Variants in IQGAP1 observed in about 807,000 individuals in gnomAD.
IQGAP1 encodes IQ motif containing GTPase activating protein 1, also known as ras GTPase-activating-like protein IQGAP1.
Under a neutral mutation model 215.6 loss-of-function variants are expected in IQGAP1, and 66 were observed. That is an observed-to-expected ratio of 0.31 (90% confidence interval 0.25 to 0.38). IQGAP1 has a LOEUF of 0.38. IQGAP1 is among the 10% of genes least tolerant of loss of function. The pLI is 1.00. For missense variants in IQGAP1, 1,712 were observed against 1,997.1 expected (o/e 0.86, Z 2.72); for synonymous variants, 772 against 728.7 (o/e 1.06, Z -0.96).
At chr15:90,468,357 A>C (rs979655941) in intron 18 of IQGAP1, among the ~76,000 whole-genome samples, 3 of 151,978 alleles carry the variant, frequency 2.0e-5, no homozygotes, top group African/African-American at 7.2e-5. Flanking sequence ...GAGCCAGCAC[A>C]CCCAGCCCAT....
chr15:90,419,878 G>C (rs1351301609), intron 2 of IQGAP1, among the ~76,000 whole-genome samples: 1 of 152,180 alleles, frequency 6.6e-6, no homozygotes, highest in Non-Finnish European at 1.5e-5. Context: ...TGTTCAGTTG[G>C]AGAAAGTTCA....
rs777042927 is a variant in IQGAP1, at chr15:90,473,932, C to T, written c.2470C>T (p.Arg824Cys). Reference protein sequence around the residue: ...SLARMHQARKRYRDRLQYFRD... With the variant: ...SLARMHQARKCYRDRLQYFRD... ...GGCAAGGATGCACCAAGCTCGAAAG[C>T]GCTATCGAGATCGCCTGCAGTACTT... Residue 824 changes from arginine to cysteine, a missense_variant, in exon 21 of 38, where the codon CGC becomes TGC. By Grantham distance (180) the Arg-to-Cys change is radical (BLOSUM62 -3). This residue lies in a region of IQGAP1 where 1,021 missense variants were observed against 1,074.2 expected (regional missense o/e 0.95). Transcript: ENST00000268182. The T allele has an allele frequency of 7.4e-6, 12 of 1,614,008 alleles. No homozygotes were observed. In the East Asian group the frequency reaches 1.6e-4, roughly 21 times the overall value.
At chr15:90,452,520 G>A (rs550147142) in intron 11 of IQGAP1, among the ~76,000 whole-genome samples, 15 of 152,318 alleles carry the variant, frequency 9.8e-5, no homozygotes, top group South Asian at 8.3e-4. Context: ...AATTGAACGG[G>A]AAGAAAATAG....
intron 4 of IQGAP1, 35 bp downstream of exon 4, chr15:90,429,701 C>A: frequency 7.1e-7 from 1 of 1,414,552 alleles, no homozygotes; most frequent in Non-Finnish European, 9.8e-7. Context: ...AGGCTTTGTT[C>A]CAGCTGTTGT....
At chr15:90,447,164 G>A (rs1965538179) in intron 9 of IQGAP1, among the ~76,000 whole-genome samples, 1 of 152,162 alleles carries the variant, frequency 6.6e-6, no homozygotes, top group South Asian at 2.1e-4. Context: ...TTGAAGGAAT[G>A]GATGATTAGT....
At position 90,441,544 on chromosome 15, in the gene IQGAP1, C is replaced by G; in HGVS notation, c.688C>G (p.Arg230Gly). ...AVIAINEAID[R>G]RIPADTFAAL... ...TATTGCTATTAATGAAGCTATTGAC[C>G]GTAGAATTCCAGCCGACACATTTGC... is the stretch of plus-strand genomic sequence containing the variant. The change falls in exon 8 of 38, where the codon CGT (arginine) becomes GGT (glycine). Residue 230 changes from arginine to glycine, a missense_variant. Physicochemically the swap from Arg to Gly is moderately radical, Grantham distance 125. Coordinates refer to ENST00000268182, the MANE Select transcript of IQGAP1 (RefSeq NM_003870.4). The G allele has an allele frequency of 6.2e-7, 1 of 1,613,114 alleles. No homozygotes were observed. The highest frequency in any genetic ancestry group is 1.1e-5 in the South Asian group (1 of 91,052).
chr15:90,394,459 C>G (rs539463891), intron 2 of IQGAP1, among the ~76,000 whole-genome samples: 24 of 152,302 alleles, frequency 1.6e-4, no homozygotes, highest in Non-Finnish European at 3.1e-4. Context: ...TGTCAGCCAC[C>G]TATGTGGCTG....
At chr15:90,476,634 C>G (rs1375180901) in intron 23 of IQGAP1, 29 bp from the exon 24 acceptor site, 1 of 1,523,934 alleles carries the variant, frequency 6.6e-7, no homozygotes, top group Non-Finnish European at 8.8e-7. Flanking sequence ...TGAAAGCTTT[C>G]TGATCTATTT....
At chr15:90,391,688 A>C (rs1428366146) in intron 2 of IQGAP1, 1 of 152,234 alleles carries the variant, frequency 6.6e-6, no homozygotes, top group Non-Finnish European at 1.5e-5. Context: ...AGTGAATGTA[A>C]AGCTGCTCTT....
At chr15:90,498,793 G>A (rs973691801) in intron 37 of IQGAP1, among the ~76,000 whole-genome samples, 4 of 148,776 alleles carry the variant, frequency 2.7e-5, no homozygotes, top group East Asian at 2.0e-4. Flanking sequence ...GATTACAGGC[G>A]CACACCATCA....
At chr15:90,432,336 A>C (rs998072562) in intron 4 of IQGAP1, among the ~76,000 whole-genome samples, 1 of 152,072 alleles carries the variant, frequency 6.6e-6, no homozygotes, top group Non-Finnish European at 1.5e-5. Flanking sequence ...ATTTATTTGA[A>C]ATATCTCTTT....
At chr15:90,408,142 T>C (rs1489969752) in intron 2 of IQGAP1, among the ~76,000 whole-genome samples, 1 of 152,188 alleles carries the variant, frequency 6.6e-6, no homozygotes, top group African/African-American at 2.4e-5. Flanking sequence ...GAGTTGAAGC[T>C]CTTTCCACTT....
Position 90,439,210 on chromosome 15 carries a change from G to A in IQGAP1, c.468-122G>A, listed in dbSNP as rs538038439. The A allele has an allele frequency of 4.2e-5, 24 of 566,928 alleles. No individual in the cohort carries two copies. In the East Asian group the frequency reaches 7.3e-4, roughly 17 times the overall value. 35.1% of individuals were successfully genotyped at this position (566,928 alleles called of 1,614,324 possible). A position where few individuals can be genotyped will look rare whatever the true frequency, so the allele number is the denominator to read the frequency against. On this transcript the variant is annotated intron_variant, in intron 5 of 37. Coordinates refer to ENST00000268182, the MANE Select transcript of IQGAP1 (RefSeq NM_003870.4). ...TGTAACTACAAAGGAGACTGTCGTA[G>A]GTACTGGGAGTCTCAGTGTTCAGAA... is the stretch of plus-strand genomic sequence containing the variant.
intron 23 of IQGAP1, 46 bp downstream of exon 23, chr15:90,474,739 T>A (rs899951078): frequency 1.4e-6 from 2 of 1,395,478 alleles, no homozygotes; most frequent in Non-Finnish European, 2.0e-6. Flanking sequence ...TCATCCTGCT[T>A]TGTAACCCCT....
At chr15:90,401,762 A>C (rs911113201) in intron 2 of IQGAP1, among the ~76,000 whole-genome samples, 3 of 152,242 alleles carry the variant, frequency 2.0e-5, no homozygotes, top group Non-Finnish European at 2.9e-5. Flanking sequence ...AGAACTCTGA[A>C]GTCCTTTCTC....
At chr15:90,408,058 G>T (rs1341458123) in intron 2 of IQGAP1, among the ~76,000 whole-genome samples, 1 of 152,230 alleles carries the variant, frequency 6.6e-6, no homozygotes, top group Non-Finnish European at 1.5e-5. Context: ...AGCTGACATT[G>T]TATGGTCAGG....
intron 2 of IQGAP1, among the ~76,000 whole-genome samples, chr15:90,404,745 ATTTTTGTATT>A (rs928402566): frequency 2.4e-5 from 3 of 125,762 alleles, no homozygotes; most frequent in African/African-American, 1.1e-4. Context: ...CACTCAGCTA[ATTTTTGTATT>A]TTTTTAGTAG....
chr15:90,498,917 C>G (rs982601134), intron 37 of IQGAP1, among the ~76,000 whole-genome samples: 5 of 151,992 alleles, frequency 3.3e-5, no homozygotes, highest in Admixed American at 3.3e-4. Context: ...TCAAGTGATT[C>G]TCCTGCCTCA....
chr15:90,416,421 G>A (rs1200550447), intron 2 of IQGAP1, among the ~76,000 whole-genome samples: 1 of 152,156 alleles, frequency 6.6e-6, no homozygotes. Context: ...TACATACCCA[G>A]TAATGGGATG....
Sources: gnomAD v4.1 joint callset for allele counts (sites outside exome capture counted in the v4.1 genomes callset) on GRCh38, gnomAD v4.1.1 for gene constraint, gnomAD v4.1.1 regional missense constraint, MANE v1.5 for transcripts, NCBI Gene and HGNC (gene_info 2026-07-23, HGNC 2026-07-21) for gene names.